Variants in PNPLA8 observed in about 807,000 individuals in gnomAD.
The protein encoded by PNPLA8 is patatin like domain 8, phospholipase A2, also known as calcium-independent phospholipase A2-gamma.
PNPLA8 carries 39 observed loss-of-function variants against 76.9 expected under a neutral mutation model. The observed-to-expected ratio is 0.51, with a 90% confidence interval of 0.39 to 0.66. The LOEUF (loss-of-function observed/expected upper bound fraction) is 0.66. PNPLA8 is among the 30% of genes least tolerant of loss of function. The probability of loss-of-function intolerance (pLI) is 0.00; values close to 1 mark genes in which losing one functional copy is unlikely to be tolerated. For synonymous variants in PNPLA8, 301 were observed against 307.9 expected, an observed-to-expected ratio of 0.98 and a Z score of 0.24; for missense variants, 887 against 918.0, an observed-to-expected ratio of 0.97 and a Z score of 0.44.
At chr7:108,519,392 A>G (rs2154517062) in intron 2 of PNPLA8, among the ~76,000 whole-genome samples, 1 of 152,246 alleles carries the variant, frequency 6.6e-6, no homozygotes, top group East Asian at 1.9e-4. Context: ...CTACACACAC[A>G]GAGGCAAACA....
chr7:108,518,746 TATATATATATATACAC>T lies in PNPLA8; in HGVS notation c.-84+2714_-84+2729del, dbSNP rs1563990142. Among the ~76,000 whole-genome samples, 5 of 65,596 alleles carry T rather than the reference TATATATATATATACAC, an allele frequency of 7.6e-5. No homozygotes were observed. The South Asian group carries it at 1.7e-3, about 22-fold the overall frequency. 43.0% of individuals were successfully genotyped at this position (65,596 alleles called of 152,430 possible). On this transcript the variant is annotated intron_variant, in intron 2 of 10. Transcript: ENST00000257694. ...ATATATATATATATATATATATATA[TATATATATATATACAC>T]ACACACACACACATATATTAAGAAA...
chr7:108,497,636 C>T (rs926178865), intron 5 of PNPLA8, 59 bp from the exon 6 acceptor site: 1 of 939,100 alleles, frequency 1.1e-6, no homozygotes, highest in Admixed American at 2.9e-5. Flanking sequence ...ATAATTTAAG[C>T]TGTTGAATAA....
At chr7:108,518,867 A>G (rs1249394734) in intron 2 of PNPLA8, among the ~76,000 whole-genome samples, 2 of 151,664 alleles carry the variant, frequency 1.3e-5, no homozygotes, top group Admixed American at 6.6e-5. Context: ...TGAAAGGATA[A>G]GCACCTGTTT....
intron 10 of PNPLA8, among the ~76,000 whole-genome samples, chr7:108,476,344 C>A (rs546295078): frequency 2.0e-5 from 3 of 152,306 alleles, no homozygotes; most frequent in African/African-American, 4.8e-5. Context: ...TCTTATGCGA[C>A]TGCCCGACTA....
intron 10 of PNPLA8, among the ~76,000 whole-genome samples, chr7:108,475,312 C>T (rs1473638761): frequency 6.6e-6 from 1 of 152,076 alleles, no homozygotes; most frequent in Non-Finnish European, 1.5e-5. Flanking sequence ...TATCCCAAAA[C>T]CATCCCTCCC....
At chr7:108,524,487 T>G (rs770511099) in intron 1 of PNPLA8, among the ~76,000 whole-genome samples, 20 of 152,128 alleles carry the variant, frequency 1.3e-4, no homozygotes, top group Admixed American at 2.6e-4. Flanking sequence ...TAATGGATAA[T>G]GAACAGAATA....
intron 1 of PNPLA8, among the ~76,000 whole-genome samples, chr7:108,523,109 A>T (rs1863857054): frequency 6.6e-6 from 1 of 152,208 alleles, no homozygotes; most frequent in Non-Finnish European, 1.5e-5. Context: ...GTATAAATAC[A>T]ATGGAGGTAC....
At chr7:108,480,735 T>C in intron 9 of PNPLA8, 1 of 418,406 alleles carries the variant, frequency 2.4e-6, no homozygotes, top group Non-Finnish European at 4.9e-6. Context: ...CATTGTAAAA[T>C]ATTTTAATTT....
At chr7:108,527,525 G>A (rs117671357), upstream of PNPLA8, among the ~76,000 whole-genome samples, 5,282 of 152,254 alleles carry the variant, frequency 0.035, 136 homozygotes, top group South Asian at 0.1. Flanking sequence ...AAAATGTCAA[G>A]GAAGACATTT....
chr7:108,522,491 G>A lies in PNPLA8; in HGVS notation c.-129-970C>T, dbSNP rs564013720. ...AATTTTTGTATGACCTGGAGGCCCC[G>A]TCCCCTTTGAGTTGTCCTGCCCTTC... On this transcript the variant is annotated intron_variant, in intron 1 of 10. Transcript: ENST00000257694. Among the ~76,000 whole-genome samples, 12 of 151,990 alleles carry A rather than the reference G, an allele frequency of 7.9e-5. 1 individual carries two copies. In the South Asian group the frequency reaches 1.7e-3, roughly 21 times the overall value.
chr7:108,510,227 G>A, intron 4 of PNPLA8: 4 of 1,302,918 alleles, frequency 3.1e-6, no homozygotes, highest in Non-Finnish European at 4.2e-6. Context: ...TTTTCCGGCT[G>A]GAACCATGGT....
At chr7:108,486,274 C>T (rs894142296) in intron 9 of PNPLA8, among the ~76,000 whole-genome samples, 1 of 152,088 alleles carries the variant, frequency 6.6e-6, no homozygotes, top group Non-Finnish European at 1.5e-5. Context: ...GTTTGTAGCA[C>T]TATTAAGGTT....
chr7:108,504,601 A>T (rs767934096), intron 4 of PNPLA8, among the ~76,000 whole-genome samples: 31 of 152,190 alleles, frequency 2.0e-4, no homozygotes, highest in Non-Finnish European at 3.2e-4. Flanking sequence ...TCTTTTAAAA[A>T]TTTTTTTGTA....
intron 5 of PNPLA8, among the ~76,000 whole-genome samples, chr7:108,499,189 A>G (rs763443462): frequency 6.6e-6 from 1 of 152,252 alleles, no homozygotes; most frequent in Non-Finnish European, 1.5e-5. Flanking sequence ...TCACACAGAA[A>G]AAGATTAGAA....
intron 4 of PNPLA8, among the ~76,000 whole-genome samples, chr7:108,513,163 C>G (rs1863059714): frequency 1.3e-5 from 2 of 152,074 alleles, no homozygotes; most frequent in Admixed American, 1.3e-4. Context: ...CCCAAATGGA[C>G]TAAGCCAGTA....
At chr7:108,486,479 G>A (rs1273887521) in intron 9 of PNPLA8, among the ~76,000 whole-genome samples, 1 of 152,062 alleles carries the variant, frequency 6.6e-6, no homozygotes, top group Non-Finnish European at 1.5e-5. Flanking sequence ...CCCAGAGTGG[G>A]TGGAAGAAAG....
Position 108,526,070 on chromosome 7 carries a change from G to T in PNPLA8, c.-171C>A. 4.1e-6 allele frequency: 4 copies of T among 985,660 alleles called. No individual in the cohort carries two copies. Among genetic ancestry groups the T allele is most frequent in the Non-Finnish European group, 4.8e-6 (4 of 830,048 alleles). 61.1% of individuals were successfully genotyped at this position (985,660 alleles called of 1,614,324 possible). A position where few individuals can be genotyped will look rare whatever the true frequency, so the allele number is the denominator to read the frequency against. On this transcript the variant is annotated 5_prime_UTR_variant, in exon 1 of 11. Transcript: ENST00000257694. ...GTCACTAGGGCTGCAGCGGCGACTCGCTCGTTCCCGGCAATGACGTCCACT... is the reference window on the plus strand; with the variant it reads ...GTCACTAGGGCTGCAGCGGCGACTCTCTCGTTCCCGGCAATGACGTCCACT...
chr7:108,520,328 T>A (rs751212967), intron 2 of PNPLA8, among the ~76,000 whole-genome samples: 4 of 152,118 alleles, frequency 2.6e-5, no homozygotes, highest in Non-Finnish European at 2.9e-5. Flanking sequence ...AAAATACTTG[T>A]GGATAAAAAG....
chr7:108,488,544 C>G (rs1316974952), intron 8 of PNPLA8, among the ~76,000 whole-genome samples: 1 of 152,144 alleles, frequency 6.6e-6, no homozygotes, highest in Non-Finnish European at 1.5e-5. Context: ...TGCACTCCAG[C>G]CTGGGTGACA....
Sources: allele counts gnomAD v4.1 joint callset (sites outside exome capture counted in the v4.1 genomes callset), GRCh38; gene constraint gnomAD v4.1.1; transcripts MANE v1.5; gene names NCBI Gene and HGNC (gene_info 2026-07-23, HGNC 2026-07-21).